HBP1: variants seen among roughly 807,000 people sequenced by gnomAD.
HBP1 encodes the protein HMG box-containing protein 1.
In HBP1, 20 loss-of-function variants were observed where a neutral mutation model predicts 62.6. That is an observed-to-expected ratio of 0.32 (90% confidence interval 0.22 to 0.46). The LOEUF (loss-of-function observed/expected upper bound fraction) is 0.46. HBP1 is among the 20% of genes least tolerant of loss of function. The pLI is 1.00. For synonymous variants in HBP1, 232 were observed against 206.2 expected (o/e 1.12, Z -1.07); for missense variants, 480 against 611.8 (o/e 0.78, Z 2.27).
intron 6 of HBP1, among the ~76,000 whole-genome samples, chr7:107,188,153 T>G (rs1797478484): frequency 6.6e-6 from 1 of 152,186 alleles, no homozygotes; most frequent in Non-Finnish European, 1.5e-5. Context: ...ATTTTGTAAT[T>G]TCGTTATTTG....
chr7:107,201,455 T>G lies in HBP1; in HGVS notation c.*24T>G. The G allele has an allele frequency of 2.0e-6, 3 of 1,510,456 alleles. No homozygotes were observed. The highest frequency in any genetic ancestry group is 2.8e-6 in the Non-Finnish European group (3 of 1,088,090). 93.6% of individuals were successfully genotyped at this position (1,510,456 alleles called of 1,614,324 possible). ...AAACCAGGATGCTTATGTTCTTAAG[T>G]CTATATTTGCATATACATTGACTCT... On this transcript the variant is annotated 3_prime_UTR_variant, in exon 11 of 11. Coordinates refer to ENST00000222574, the MANE Select transcript of HBP1 (RefSeq NM_012257.4).
chr7:107,174,638 G>C, intron 1 of HBP1: 13 of 985,174 alleles, frequency 1.3e-5, no homozygotes, highest in Non-Finnish European at 1.6e-5. Flanking sequence ...AGACAAGACA[G>C]ACTGCAGCTG....
intron 1 of HBP1, chr7:107,174,762 T>C: frequency 1.1e-6 from 1 of 948,724 alleles, no homozygotes; most frequent in Non-Finnish European, 1.3e-6. Flanking sequence ...ATGGGAAATG[T>C]TTTCAGTTCA....
In HBP1 at chr7:107,200,226, A is replaced by G; in HGVS notation, c.1452A>G (p.Thr484=). 3 of 1,612,624 alleles carry G rather than the reference A, an allele frequency of 1.9e-6. No individual in the cohort carries two copies. The highest frequency in any genetic ancestry group is 2.5e-6 in the Non-Finnish European group (3 of 1,178,760). ...AGAATGAAGAGAGAAGAATGTACAC[A>G]TTAGAAGCAAAGGCTTTGGCTGAAG... ...KMKNEERRMY[T]LEAKALAEEQ... The change falls in exon 10 of 11, where the codon ACA becomes ACG. Residue 484 remains threonine, a synonymous_variant. Coordinates refer to ENST00000222574, the MANE Select transcript of HBP1 (RefSeq NM_012257.4).
chr7:107,194,739 G>A (rs905282117), intron 8 of HBP1, among the ~76,000 whole-genome samples: 3 of 152,198 alleles, frequency 2.0e-5, no homozygotes, highest in African/African-American at 7.2e-5. Context: ...GGAAGTAGGA[G>A]CTAGGTTCAG....
intron 9 of HBP1, among the ~76,000 whole-genome samples, chr7:107,197,286 T>C (rs897894502): frequency 1.3e-5 from 2 of 152,194 alleles, no homozygotes; most frequent in African/African-American, 4.8e-5. Context: ...GAAAAGTCAT[T>C]ACTGTGTTAC....
intron 1 of HBP1, among the ~76,000 whole-genome samples, chr7:107,170,501 ACT>A (rs1277797724): frequency 1.3e-5 from 2 of 151,938 alleles, no homozygotes; most frequent in Non-Finnish European, 2.9e-5. Context: ...CCTTGGTTAA[ACT>A]CAGTTCTTGC....
chr7:107,181,931 T>C (rs776301869), intron 2 of HBP1, among the ~76,000 whole-genome samples: 1 of 152,042 alleles, frequency 6.6e-6, no homozygotes, highest in Non-Finnish European at 1.5e-5. Flanking sequence ...CCAGTAAATA[T>C]TAACAAGTTC....
intron 9 of HBP1, among the ~76,000 whole-genome samples, chr7:107,199,267 T>A (rs542637298): frequency 1.4e-4 from 21 of 152,046 alleles, no homozygotes; most frequent in African/African-American, 4.8e-4. Context: ...AGAGATGGGG[T>A]GACGGGGTTT....
rs753078996 is a variant in HBP1 at position 107,186,632 on chromosome 7, G to T, written c.716G>T (p.Arg239Ile). 1.2e-6 allele frequency: 2 copies of T among 1,613,402 alleles called. No individual in the cohort carries two copies. The highest frequency in any genetic ancestry group is 3.3e-5 in the Admixed American group (2 of 60,016). ...KEWQDVEDFARAEGCDNEEDL... is the reference protein window; with the variant it reads ...KEWQDVEDFAIAEGCDNEEDL... ...TGGCAAGATGTTGAAGATTTTGCTAGAGCTGAAGGCTGTGATAATGAGGAA... is the reference window on the plus strand; with the variant it reads ...TGGCAAGATGTTGAAGATTTTGCTATAGCTGAAGGCTGTGATAATGAGGAA... The change falls in exon 6 of 11, where the codon AGA becomes ATA. Residue 239 changes from arginine to isoleucine, a missense_variant. Physicochemically the swap from Arg to Ile is moderately conservative, Grantham distance 97. Around this residue, in one of 4 missense-constraint regions of HBP1, gnomAD observed 304 missense variants for 330.9 expected, o/e 0.92. Transcript: ENST00000222574.
intron 8 of HBP1, among the ~76,000 whole-genome samples, chr7:107,195,623 A>T (rs945489056): frequency 6.6e-6 from 1 of 152,084 alleles, no homozygotes; most frequent in African/African-American, 2.4e-5. Flanking sequence ...GAGGTTTTTT[A>T]AAAAAATTAA....
chr7:107,187,263 A>G (rs1011193772), intron 6 of HBP1, among the ~76,000 whole-genome samples: 1 of 151,968 alleles, frequency 6.6e-6, no homozygotes, highest in African/African-American at 2.4e-5. Context: ...AAAAATATAT[A>G]TATATTTATA....
intron 9 of HBP1, chr7:107,196,552 G>A (rs1797914921): frequency 3.6e-6 from 1 of 275,770 alleles, no homozygotes; most frequent in Non-Finnish European, 7.2e-6. Context: ...ACAGGCGTGA[G>A]CCACTGTGCC....
intron 8 of HBP1, 28 bp from the exon 9 acceptor site, chr7:107,195,806 A>T: frequency 9.4e-7 from 1 of 1,068,194 alleles, no homozygotes; most frequent in Non-Finnish European, 1.3e-6. Flanking sequence ...ATTGAATTAA[A>T]ATATTATTAT....
chr7:107,173,516 CATA>C (rs1796702911), intron 1 of HBP1: 1 of 152,174 alleles, frequency 6.6e-6, no homozygotes, highest in Admixed American at 6.5e-5. Context: ...TTTCCTCATC[CATA>C]ATAATACTTT....
In HBP1 at chr7:107,186,392, G is replaced by A; in HGVS notation, c.572G>A (p.Cys191Tyr). ...ANSESESGIF[C>Y]MSSLSDDDDL... ...AGTGAGTCAGAATCTGGCATTTTCT[G>A]CATGTCCTCCCTGTCAGATGATGAT... The change falls in exon 5 of 11, where the codon TGC becomes TAC. Residue 191 changes from cysteine to tyrosine, a missense_variant. Cys to Tyr is a radical substitution (Grantham distance 194, BLOSUM62 -2). This residue lies in a region of HBP1 where 304 missense variants were observed against 330.9 expected (regional missense o/e 0.92). Transcript: ENST00000222574. The A allele has an allele frequency of 6.2e-7, 1 of 1,611,792 alleles. No homozygotes were observed.
chr7:107,199,416 C>T (rs987869040), intron 9 of HBP1, among the ~76,000 whole-genome samples: 2 of 152,216 alleles, frequency 1.3e-5, no homozygotes, highest in Admixed American at 6.5e-5. Context: ...AAATGCAGCA[C>T]AATGTTTAAC....
chr7:107,187,178 A>G (rs910031368), intron 6 of HBP1, among the ~76,000 whole-genome samples: 3 of 152,110 alleles, frequency 2.0e-5, no homozygotes, highest in Non-Finnish European at 4.4e-5. Context: ...GTGTGAACCC[A>G]GGAGGCAGAG....
rs1381071863 is a variant in HBP1, at chr7:107,182,256, T to TAA, written c.170-117_170-116insAA. The TAA allele has an allele frequency of 1.8e-5, 11 of 626,284 alleles. No individual in the cohort carries two copies. In the African/African-American group the frequency reaches 2.0e-4, roughly 12 times the overall value. The allele number at this position is 626,284 out of a possible 1,614,324, so 38.8% of individuals were successfully genotyped here. ...GTGAACAGAATGTTAAATTTATGAT[T>TAA]TTCCTCTCTCAAAATTAATTAGCTA... is the stretch of plus-strand genomic sequence containing the variant. On this transcript the variant is annotated intron_variant, in intron 2 of 10. Coordinates refer to ENST00000222574, the MANE Select transcript of HBP1 (RefSeq NM_012257.4).
Sources: gnomAD v4.1 joint callset for allele counts (sites outside exome capture counted in the v4.1 genomes callset) on GRCh38, gnomAD v4.1.1 for gene constraint, gnomAD v4.1.1 regional missense constraint, MANE v1.5 for transcripts, NCBI Gene and HGNC (gene_info 2026-07-23, HGNC 2026-07-21) for gene names.